The following PGM2L1 variants were observed in gnomAD, a reference collection of about 807,000 sequenced individuals.
PGM2L1 encodes phosphoglucomutase 2 like 1.
PGM2L1 carries 35 observed loss-of-function variants against 73.4 expected under a neutral mutation model. The ratio of observed to expected loss-of-function variants is 0.48; its 90% confidence interval spans 0.36 to 0.63. PGM2L1 has a LOEUF of 0.63. Among genes scored for constraint, PGM2L1 ranks in the 30% least tolerant of loss-of-function variants. The probability of loss-of-function intolerance (pLI) is 0.00; values close to 1 mark genes in which losing one functional copy is unlikely to be tolerated. For synonymous variants in PGM2L1, 225 were observed against 253.8 expected (o/e 0.89, Z 1.08); for missense variants, 570 against 742.0 (o/e 0.77, Z 2.69).
intron 1 of PGM2L1, among the ~76,000 whole-genome samples, chr11:74,386,173 A>T (rs910115666): frequency 6.6e-6 from 1 of 152,164 alleles, no homozygotes; most frequent in African/African-American, 2.4e-5. Flanking sequence ...CTTTGGCATT[A>T]AAACAGGAGA....
chr11:74,353,178 T>TC (rs2134899622), intron 5 of PGM2L1, among the ~76,000 whole-genome samples: 1 of 151,718 alleles, frequency 6.6e-6, no homozygotes, highest in Non-Finnish European at 1.5e-5. Context: ...CCCAGAATGT[T>TC]TTTTTGTGTG....
chr11:74,361,802 T>C (rs1163962863), intron 5 of PGM2L1, among the ~76,000 whole-genome samples: 1 of 152,074 alleles, frequency 6.6e-6, no homozygotes, highest in African/African-American at 2.4e-5. Flanking sequence ...GTATCAGTGA[T>C]GGAAGATCAA....
chr11:74,348,772 C>G (rs1862305844), intron 6 of PGM2L1, among the ~76,000 whole-genome samples: 1 of 152,140 alleles, frequency 6.6e-6, no homozygotes, highest in Non-Finnish European at 1.5e-5. Flanking sequence ...TCCTGTATCT[C>G]CAGTATGTAG....
At chr11:74,349,278 T>A (rs1238045523) in intron 6 of PGM2L1, among the ~76,000 whole-genome samples, 1 of 152,236 alleles carries the variant, frequency 6.6e-6, no homozygotes, top group Non-Finnish European at 1.5e-5. Context: ...AATTTCAGCC[T>A]GTGTGATTTT....
chr11:74,368,477 G>A lies in PGM2L1; in HGVS notation c.555+15C>T, dbSNP rs757228551. On this transcript the variant is annotated intron_variant, in intron 5 of 13. Coordinates refer to ENST00000298198, the MANE Select transcript of PGM2L1 (RefSeq NM_173582.6). ...GAACTATAAGATAAGCAAAGGTCAG[G>A]AGTCCAAGGTTTACCTTGTATCCAT... The A allele has an allele frequency of 2.5e-6, 4 of 1,591,946 alleles. No homozygotes were observed. Among genetic ancestry groups the A allele is most frequent in the Middle Eastern group, 1.7e-4 (1 of 6,028 alleles).
Position 74,388,783 on chromosome 11 carries a change from A to T in PGM2L1, c.111+9268T>A, listed in dbSNP as rs551454765. 5.3e-5 allele frequency among the ~76,000 whole-genome samples: 8 copies of T among 152,202 alleles called. No homozygotes were observed. The East Asian group carries it at 1.5e-3, about 29-fold the overall frequency. On this transcript the variant is annotated intron_variant, in intron 1 of 13. Coordinates refer to ENST00000298198, the MANE Select transcript of PGM2L1 (RefSeq NM_173582.6). The stretch of plus-strand genomic sequence containing the variant: ...AAAAGATCTCATGAGGATTGGTGAC[A>T]CTATCTCACTGCCTTCCTGTCTATT...
intron 5 of PGM2L1, among the ~76,000 whole-genome samples, chr11:74,360,313 G>A (rs146042854): frequency 4.7e-4 from 72 of 151,684 alleles, no homozygotes; most frequent in Non-Finnish European, 8.5e-4. Flanking sequence ...AGGTAGGGAC[G>A]GAGGGAGGGA....
At chr11:74,359,784 A>C (rs1001335449) in intron 5 of PGM2L1, among the ~76,000 whole-genome samples, 3 of 152,160 alleles carry the variant, frequency 2.0e-5, no homozygotes, top group African/African-American at 7.2e-5. Flanking sequence ...AGAAATGAAA[A>C]CTGGAAACAG....
intron 5 of PGM2L1, chr11:74,355,439 A>G: frequency 2.5e-6 from 1 of 405,836 alleles, no homozygotes; most frequent in South Asian, 2.1e-5. Flanking sequence ...CTGTAGTCCC[A>G]GCTACTCGGG....
At chr11:74,397,287 T>C (rs1863190599) in intron 1 of PGM2L1, among the ~76,000 whole-genome samples, 1 of 152,128 alleles carries the variant, frequency 6.6e-6, no homozygotes, top group South Asian at 2.1e-4. Flanking sequence ...TGCATTTTAA[T>C]TCTGATTGTC....
At chr11:74,346,594 G>T in intron 8 of PGM2L1, 138 bp downstream of exon 8, 1 of 600,252 alleles carries the variant, frequency 1.7e-6, no homozygotes, top group Non-Finnish European at 2.9e-6. Flanking sequence ...CAACTTAGGT[G>T]GTTATTTTGG....
At chr11:74,364,369 A>G (rs1218126393) in intron 5 of PGM2L1, among the ~76,000 whole-genome samples, 1 of 152,222 alleles carries the variant, frequency 6.6e-6, no homozygotes, top group South Asian at 2.1e-4. Flanking sequence ...GGCCAGGGCA[A>G]TCAGGCAGGA....
chr11:74,336,638 A>T lies in PGM2L1; in HGVS notation c.*14T>A, dbSNP rs1044782. The T allele has an allele frequency of 6.4e-7, 1 of 1,556,706 alleles. No homozygotes were observed. The highest frequency in any genetic ancestry group is 1.8e-5 in the Admixed American group (1 of 56,310). ...CCATATGCCCACACAGTGTCATGAC[A>T]TATTGGTGTACCCCTAAACAGAACG... is the stretch of plus-strand genomic sequence containing the variant. On this transcript the variant is annotated 3_prime_UTR_variant, in exon 14 of 14. Coordinates refer to ENST00000298198, the MANE Select transcript of PGM2L1 (RefSeq NM_173582.6).
intron 5 of PGM2L1, among the ~76,000 whole-genome samples, chr11:74,365,727 C>G (rs1171021853): frequency 2.0e-5 from 3 of 152,060 alleles, no homozygotes; most frequent in African/African-American, 7.2e-5. Context: ...TACTGGAGAG[C>G]ATGTGGAGAA....
intron 12 of PGM2L1, among the ~76,000 whole-genome samples, chr11:74,339,390 G>A (rs1467437056): frequency 6.6e-6 from 1 of 152,174 alleles, no homozygotes; most frequent in East Asian, 1.9e-4. Flanking sequence ...GAGGCATCTC[G>A]AGGGGACTGT....
chr11:74,344,479 CAG>C (rs1591167093), intron 9 of PGM2L1, among the ~76,000 whole-genome samples: 1 of 152,000 alleles, frequency 6.6e-6, no homozygotes, highest in African/African-American at 2.4e-5. Flanking sequence ...TTTAAAGACA[CAG>C]AAAGAGTTTC....
At chr11:74,352,009 T>C (rs1001534052) in intron 5 of PGM2L1, among the ~76,000 whole-genome samples, 3 of 151,186 alleles carry the variant, frequency 2.0e-5, no homozygotes, top group Non-Finnish European at 4.4e-5. Flanking sequence ...GCATATCAAA[T>C]TGATCAAATA....
rs1377346593 is a variant in PGM2L1, at chr11:74,335,195, C to T, written c.*1457G>A. The T allele has an allele frequency of 6.6e-6, 1 of 151,480 alleles. No individual in the cohort carries two copies. Among genetic ancestry groups the T allele is most frequent in the Non-Finnish European group, 1.5e-5 (1 of 67,988 alleles). 9.4% of individuals were successfully genotyped at this position (151,480 alleles called of 1,614,324 possible). A position where few individuals can be genotyped will look rare whatever the true frequency, so the allele number is the denominator to read the frequency against. On this transcript the variant is annotated 3_prime_UTR_variant, in exon 14 of 14. Transcript: ENST00000298198. ...GGAGTGTAGTGGCGTGATTTCGGCTCACTGCAATCTCAGCCTCCTAGGTTC... is the reference window on the plus strand; with the variant it reads ...GGAGTGTAGTGGCGTGATTTCGGCTTACTGCAATCTCAGCCTCCTAGGTTC...
chr11:74,368,437 T>C, intron 5 of PGM2L1, 55 bp downstream of exon 5: 2 of 1,445,988 alleles, frequency 1.4e-6, no homozygotes, highest in Non-Finnish European at 1.9e-6. Flanking sequence ...CACATATTAT[T>C]TGAATAAAAA....
Sources: gnomAD v4.1 joint callset for allele counts (sites outside exome capture counted in the v4.1 genomes callset) on GRCh38, gnomAD v4.1.1 for gene constraint, MANE v1.5 for transcripts, NCBI Gene and HGNC (gene_info 2026-07-23, HGNC 2026-07-21) for gene names.